The following SRRM4 variants were observed in gnomAD, a reference collection of about 807,000 sequenced individuals.
SRRM4 encodes serine/arginine repetitive matrix protein 4.
Under a neutral mutation model 68.9 loss-of-function variants are expected in SRRM4, and 33 were observed. That is an observed-to-expected ratio of 0.48 (90% CI 0.36 to 0.64). The LOEUF (loss-of-function observed/expected upper bound fraction) is 0.64. Among genes scored for constraint, SRRM4 ranks in the 30% least tolerant of loss-of-function variants. The probability of loss-of-function intolerance (pLI) is 0.00; values close to 1 mark genes in which losing one functional copy is unlikely to be tolerated. For synonymous variants in SRRM4, 318 were observed against 318.8 expected (o/e 1.00, Z 0.03); for missense variants, 817 against 827.1 (o/e 0.99, Z 0.15).
At chr12:119,033,137 T>C (rs1953602573) in intron 1 of SRRM4, among the ~76,000 whole-genome samples, 1 of 152,226 alleles carries the variant, frequency 6.6e-6, no homozygotes, top group South Asian at 2.1e-4. Context: ...ATTTTTATTA[T>C]TCCTTCCTCC....
At chr12:119,071,270 G>A (rs1349310289) in intron 1 of SRRM4, among the ~76,000 whole-genome samples, 1 of 152,120 alleles carries the variant, frequency 6.6e-6, no homozygotes, top group Non-Finnish European at 1.5e-5. Flanking sequence ...AAAACGGGAG[G>A]CAGGATACAG....
At chr12:119,152,352 G>A (rs1954445372) in intron 10 of SRRM4, among the ~76,000 whole-genome samples, 1 of 152,086 alleles carries the variant, frequency 6.6e-6, no homozygotes, top group Non-Finnish European at 1.5e-5. Context: ...GAAAAATTAA[G>A]GAAAGAAATA....
In SRRM4 at chr12:118,981,746, A is replaced by C; in HGVS notation, c.-137A>C. 1.3e-6 allele frequency: 1 copy of C among 759,974 alleles called. No individual in the cohort carries two copies. The allele number at this position is 759,974 out of a possible 1,614,324, so 47.1% of individuals were successfully genotyped here. On this transcript the variant is annotated 5_prime_UTR_variant, in exon 1 of 13. Coordinates refer to ENST00000267260, the MANE Select transcript of SRRM4 (RefSeq NM_194286.4). ...CTGGGGCGTCCCATCCCCCGCCCTG[A>C]ACTCCGATCTCTCCCACCCCACCCC...
At chr12:118,995,628 A>G (rs1953344182) in intron 1 of SRRM4, among the ~76,000 whole-genome samples, 1 of 152,220 alleles carries the variant, frequency 6.6e-6, no homozygotes, top group Admixed American at 6.5e-5. Flanking sequence ...TGAGAAACAG[A>G]CAAGGAGAAT....
At chr12:119,144,417 T>C (rs1954387883) in intron 8 of SRRM4, 1 of 152,156 alleles carries the variant, frequency 6.6e-6, no homozygotes, top group Non-Finnish European at 1.5e-5. Context: ...AAACTCAAAG[T>C]TCAGGGCCAA....
intron 1 of SRRM4, among the ~76,000 whole-genome samples, chr12:119,075,957 T>A (rs1246051076): frequency 6.6e-6 from 1 of 151,350 alleles, no homozygotes; most frequent in Non-Finnish European, 1.5e-5. Flanking sequence ...GTGGTAATGA[T>A]GATGGTGGTG....
intron 1 of SRRM4, among the ~76,000 whole-genome samples, chr12:119,101,244 CA>C (rs1954076309): frequency 6.6e-6 from 1 of 152,166 alleles, no homozygotes; most frequent in Non-Finnish European, 1.5e-5. Flanking sequence ...CTGTGACTCT[CA>C]AACTCCTGAC....
At chr12:119,054,303 G>T (rs1953763875) in intron 1 of SRRM4, among the ~76,000 whole-genome samples, 1 of 152,142 alleles carries the variant, frequency 6.6e-6, no homozygotes, top group South Asian at 2.1e-4. Context: ...CACTTTTTGA[G>T]CACTCACTGT....
At chr12:119,060,217 A>G (rs1405187100) in intron 1 of SRRM4, among the ~76,000 whole-genome samples, 2 of 151,940 alleles carry the variant, frequency 1.3e-5, no homozygotes, top group Non-Finnish European at 2.9e-5. Context: ...ACCTGAAAAT[A>G]CCTGCATATT....
At position 119,008,350 on chromosome 12, in the gene SRRM4, T is replaced by A. The variant is rs1336263088; in HGVS notation, c.131+26337T>A. Among the ~76,000 whole-genome samples the A allele has an allele frequency of 2.1e-4, 32 of 149,494 alleles. 1 individual carries two copies. The highest frequency in any genetic ancestry group is 2.1e-3 in the Admixed American group (32 of 15,060). On this transcript the variant is annotated intron_variant, in intron 1 of 12. Transcript: ENST00000267260. Reference sequence around the variant, plus strand: ...TTGCACCACTGCACTCCAGCCACAGTGAGATCCTGTCTCAAAAAAAAAAAA... The same window carrying A: ...TTGCACCACTGCACTCCAGCCACAGAGAGATCCTGTCTCAAAAAAAAAAAA...
At chr12:118,982,626 G>A (rs1411787805) in intron 1 of SRRM4, among the ~76,000 whole-genome samples, 2 of 149,740 alleles carry the variant, frequency 1.3e-5, no homozygotes, top group Admixed American at 6.6e-5. Flanking sequence ...TCAGGGAGGA[G>A]CCTTCCAAGA....
chr12:119,059,158 AT>A (rs1202744639), intron 1 of SRRM4, among the ~76,000 whole-genome samples: 3 of 152,026 alleles, frequency 2.0e-5, no homozygotes, highest in African/African-American at 7.2e-5. Context: ...AGAAATATTG[AT>A]TCTACCAATT....
chr12:119,139,272 T>C (rs960489781), intron 8 of SRRM4, among the ~76,000 whole-genome samples: 7 of 152,130 alleles, frequency 4.6e-5, no homozygotes, highest in African/African-American at 1.7e-4. Context: ...GAGGCCCCTT[T>C]TTCAGCCCAT....
chr12:119,131,932 G>A (rs1486607016), intron 8 of SRRM4, among the ~76,000 whole-genome samples: 1 of 152,208 alleles, frequency 6.6e-6, no homozygotes, highest in East Asian at 1.9e-4. Flanking sequence ...GCAAGGAAAA[G>A]TTCAGGGGTG....
At chr12:119,110,524 G>T (rs1315655842) in intron 2 of SRRM4, among the ~76,000 whole-genome samples, 3 of 152,198 alleles carry the variant, frequency 2.0e-5, no homozygotes, top group Non-Finnish European at 4.4e-5. Context: ...CTTCAGCAAT[G>T]GCGGACGCCC....
At chr12:119,034,044 A>G (rs899816238) in intron 1 of SRRM4, among the ~76,000 whole-genome samples, 2 of 152,218 alleles carry the variant, frequency 1.3e-5, no homozygotes, top group African/African-American at 4.8e-5. Flanking sequence ...GACGGAAATT[A>G]GCATACAGGC....
At position 119,022,905 on chromosome 12, in the gene SRRM4, C is replaced by T. The variant is rs528517180; in HGVS notation, c.131+40892C>T. ...TCTCAGGGTGTTAATGATGTTTCCC[C>T]TCACCACTGCAAGAGGGCTGCAGTG... On this transcript the variant is annotated intron_variant, in intron 1 of 12. Coordinates refer to ENST00000267260, the MANE Select transcript of SRRM4 (RefSeq NM_194286.4). 3.3e-5 allele frequency among the ~76,000 whole-genome samples: 5 copies of T among 152,304 alleles called. No individual in the cohort carries two copies. In the South Asian group the frequency reaches 6.2e-4, roughly 19 times the overall value.
In SRRM4 at chr12:119,154,132, C is replaced by A. The variant is rs962841686; in HGVS notation, c.1392-111C>A. 37 of 1,024,884 alleles carry A rather than the reference C, an allele frequency of 3.6e-5. No homozygotes were observed. Among genetic ancestry groups the A allele is most frequent in the Non-Finnish European group, 1.0e-5 (7 of 690,562 alleles). 63.5% of individuals were successfully genotyped at this position (1,024,884 alleles called of 1,614,324 possible). A position where few individuals can be genotyped will look rare whatever the true frequency, so the allele number is the denominator to read the frequency against. On this transcript the variant is annotated intron_variant, in intron 11 of 12. Transcript: ENST00000267260. The surrounding 1 kb of genome is among the most constrained non-coding windows in gnomAD (Gnocchi z 4.7). Reference sequence around the variant, plus strand: ...CTCCCTTGCGGCAACGTGCAGACCCCATCCCGTGACCCAGTGGGGTGGGAA... The same window carrying A: ...CTCCCTTGCGGCAACGTGCAGACCCAATCCCGTGACCCAGTGGGGTGGGAA...
At chr12:119,006,562 A>T (rs1369200906) in intron 1 of SRRM4, among the ~76,000 whole-genome samples, 2 of 152,144 alleles carry the variant, frequency 1.3e-5, no homozygotes, top group Non-Finnish European at 1.5e-5. Flanking sequence ...TGGGTTCTGC[A>T]ATATGGGATC....
Sources: allele counts gnomAD v4.1 joint callset (sites outside exome capture counted in the v4.1 genomes callset), GRCh38; gene constraint gnomAD v4.1.1; non-coding constraint Gnocchi (gnomAD v3.1); transcripts MANE v1.5; gene names NCBI Gene and HGNC (gene_info 2026-07-23, HGNC 2026-07-21).